PLEKHG4B: variants seen among roughly 807,000 people sequenced by gnomAD.
The protein encoded by PLEKHG4B is pleckstrin homology and RhoGEF domain containing G4B, also known as pleckstrin homology domain-containing family G member 4B.
PLEKHG4B carries 111 observed loss-of-function variants against 121.3 expected under a neutral mutation model. The ratio of observed to expected loss-of-function variants is 0.92; its 90% confidence interval spans 0.78 to 1.07. The LOEUF is 1.07. Among genes scored for constraint, PLEKHG4B ranks in the 50% least tolerant of loss-of-function variants. The pLI is 0.00. For synonymous variants in PLEKHG4B, 738 were observed against 725.0 expected, an observed-to-expected ratio of 1.02 and a Z score of -0.29; for missense variants, 1,831 against 1,757.8, an observed-to-expected ratio of 1.04 and a Z score of -0.74.
intron 2 of PLEKHG4B, among the ~76,000 whole-genome samples, chr5:135,682 A>AAAAAAAAATATACATATATAT (rs1553985215): frequency 5.1e-5 from 1 of 19,610 alleles, no homozygotes; most frequent in African/African-American, 1.5e-4. Context: ...AAAAAAAAAA[A>AAAAAAAAATATACATATATAT]ATATATATAT....
At chr5:155,868 T>C (rs1182917389) in intron 9 of PLEKHG4B, among the ~76,000 whole-genome samples, 1 of 152,018 alleles carries the variant, frequency 6.6e-6, no homozygotes, top group African/African-American at 2.4e-5. Flanking sequence ...TTGAGCCCCC[T>C]TCTTCTCCCT....
chr5:94,873 T>C (rs777621986), intron 1 of PLEKHG4B, among the ~76,000 whole-genome samples: 1 of 152,132 alleles, frequency 6.6e-6, no homozygotes, highest in South Asian at 2.1e-4. Context: ...GTTCATTGTT[T>C]ACAGGAATCA....
chr5:169,057 G>A (rs1736446863), intron 13 of PLEKHG4B: 4 of 400,470 alleles, frequency 1.0e-5, no homozygotes, highest in South Asian at 2.6e-5. Flanking sequence ...TGTATTTTGA[G>A]TAGAGACGAG....
rs1021837892 is a variant in PLEKHG4B at position 157,216 on chromosome 5, C to T, written c.2487+305C>T. On this transcript the variant is annotated intron_variant, in intron 11 of 19. Transcript: ENST00000637938. The surrounding 1 kb of genome is among the most constrained non-coding windows in gnomAD (Gnocchi z 4.6). Reference sequence around the variant, plus strand: ...AGTGTGAATAGCTGGGTGTATCTTCCGGACGCTTTCTCCATGTGCATGCGT... The same window carrying T: ...AGTGTGAATAGCTGGGTGTATCTTCTGGACGCTTTCTCCATGTGCATGCGT... 3.7e-5 allele frequency: 15 copies of T among 402,752 alleles called. No individual in the cohort carries two copies. The highest frequency in any genetic ancestry group is 5.7e-5 in the Non-Finnish European group (12 of 212,368). 24.9% of individuals were successfully genotyped at this position (402,752 alleles called of 1,614,324 possible).
intron 16 of PLEKHG4B, among the ~76,000 whole-genome samples, chr5:172,079 G>C (rs1736573867): frequency 6.6e-6 from 1 of 152,264 alleles, no homozygotes; most frequent in Admixed American, 6.5e-5. Context: ...CACCCCAATG[G>C]CAGAGCAGGG....
intron 1 of PLEKHG4B, among the ~76,000 whole-genome samples, chr5:98,603 TTGTGTGTGTGTGTGTGTGTGTGTGTG>T (rs35724214): frequency 1.8e-5 from 2 of 111,544 alleles, no homozygotes; most frequent in African/African-American, 3.9e-5. Flanking sequence ...CCTGGCTAAT[TTGTGTGTGTGTGTGTGTGTGTGTGTG>T]TGTGTGTGTG....
At chr5:171,663 G>T (rs1278249212) in intron 16 of PLEKHG4B, among the ~76,000 whole-genome samples, 1 of 152,202 alleles carries the variant, frequency 6.6e-6, no homozygotes, top group African/African-American at 2.4e-5. Flanking sequence ...CAGGCTCGAG[G>T]CCCCTGGAGC....
intron 2 of PLEKHG4B, among the ~76,000 whole-genome samples, chr5:120,971 G>A (rs2126368046): frequency 6.6e-6 from 1 of 152,328 alleles, no homozygotes; most frequent in East Asian, 1.9e-4. Flanking sequence ...AATGGGCCAG[G>A]TGTGGTGGCT....
chr5:135,827 T>G (rs1734969349), intron 2 of PLEKHG4B, among the ~76,000 whole-genome samples: 1 of 149,018 alleles, frequency 6.7e-6, no homozygotes, highest in East Asian at 2.0e-4. Context: ...ATCTTAAAAC[T>G]CAAGTGGAAT....
At chr5:143,969 G>C (rs1028839915) in intron 5 of PLEKHG4B, 1 of 171,114 alleles carries the variant, frequency 5.8e-6, no homozygotes, top group African/African-American at 2.4e-5. Context: ...TTTGAGACAG[G>C]GTCTTGCTCT....
rs150727202 is a variant in PLEKHG4B, at chr5:169,488, G to T, written c.3625G>T (p.Gly1209Cys). The stretch of plus-strand genomic sequence containing the variant: ...TCGAGGGAAGCACCACGTTATTTTC[G>T]GCAACTTGGAGAAGCTCCACGACTT... ...GLRGKHHVIF[G>C]NLEKLHDFHQ... Residue 1209 changes from glycine (G) to cysteine (C), a missense_variant, in exon 14 of 20, where the codon GGC (glycine) becomes TGC (cysteine). Physicochemically the swap from Gly to Cys is radical, Grantham distance 159. Transcript: ENST00000637938. 6.2e-7 allele frequency: 1 copy of T among 1,614,204 alleles called. No individual in the cohort carries two copies. Among genetic ancestry groups the T allele is most frequent in the Non-Finnish European group, 8.5e-7 (1 of 1,180,048 alleles).
Position 184,903 on chromosome 5 carries a change from GTATTAACGTATCTGCGGTT to G in PLEKHG4B, c.*2582_*2600del. The G allele has an allele frequency of 6.6e-6, 1 of 152,202 alleles. No individual in the cohort carries two copies. Among genetic ancestry groups the G allele is most frequent in the South Asian group, 2.1e-4 (1 of 4,830 alleles). The allele number at this position is 152,202 out of a possible 1,614,324, so 9.4% of individuals were successfully genotyped here. A position where few individuals can be genotyped will look rare whatever the true frequency, so the allele number is the denominator to read the frequency against. On this transcript the variant is annotated 3_prime_UTR_variant, in exon 20 of 20. Transcript: ENST00000637938. ...AAGTTAACTGACTGTTTAAACAAAA[GTATTAACGTATCTGCGGTT>G]TGTACTATACGCACAGGTAAACTGT...
intron 2 of PLEKHG4B, among the ~76,000 whole-genome samples, chr5:114,929 A>G (rs1440474172): frequency 6.6e-6 from 1 of 152,080 alleles, no homozygotes; most frequent in African/African-American, 2.4e-5. Flanking sequence ...GTTGGAATCA[A>G]CCTCTTCTAA....
At chr5:148,353 A>AT (rs1735496030) in intron 6 of PLEKHG4B, among the ~76,000 whole-genome samples, 2 of 151,234 alleles carry the variant, frequency 1.3e-5, no homozygotes, top group Non-Finnish European at 1.5e-5. Context: ...ACAAAAAAAA[A>AT]AAAATAAATA....
chr5:156,209 C>T lies in PLEKHG4B; in HGVS notation c.2347C>T (p.Arg783Trp), dbSNP rs542179090. 1.9e-5 allele frequency: 29 copies of T among 1,506,808 alleles called. No homozygotes were observed. Among genetic ancestry groups the T allele is most frequent in the African/African-American group, 1.6e-4 (11 of 67,170 alleles). The allele number at this position is 1,506,808 out of a possible 1,614,324, so 93.3% of individuals were successfully genotyped here. A position where few individuals can be genotyped will look rare whatever the true frequency, so the allele number is the denominator to read the frequency against. ...AGAAGAGCTTGGCACAGAAGACAGC[C>T]GGTGAGCGCTCACAGGGGTCATGCT... ...RREELGTEDS[R>W]DTLEAATSLY... Residue 783 changes from arginine to tryptophan, a missense_variant and splice_region_variant, in exon 10 of 20, where the codon CGG becomes TGG. Transcript: ENST00000637938. The surrounding 1 kb of genome is among the most constrained non-coding windows in gnomAD (Gnocchi z 4.4).
At position 140,599 on chromosome 5, in the gene PLEKHG4B, G is replaced by C. The variant is rs116313167; in HGVS notation, c.1360G>C (p.Ala454Pro). 1.5e-4 allele frequency: 245 copies of C among 1,610,464 alleles called. No homozygotes were observed. In the African/African-American group the frequency reaches 2.9e-3, roughly 19 times the overall value. The part of the protein sequence containing the change: ...PRSSRGAQAA[A>P]CHTSHHSAGS... Reference sequence around the variant, plus strand: ...AAGCTCCAGAGGGGCCCAGGCTGCAGCCTGCCACACCTCCCACCACTCAGC... The same window carrying C: ...AAGCTCCAGAGGGGCCCAGGCTGCACCCTGCCACACCTCCCACCACTCAGC... The change falls in exon 3 of 20, where the codon GCC becomes CCC. Residue 454 changes from alanine to proline, a missense_variant. Transcript: ENST00000637938.
intron 13 of PLEKHG4B, among the ~76,000 whole-genome samples, chr5:164,050 CGGATGCCGTCT>C (rs1736149197): frequency 6.6e-6 from 1 of 152,262 alleles, no homozygotes; most frequent in South Asian, 2.1e-4. Flanking sequence ...CTGCCTAGGC[CGGATGCCGTCT>C]GAACCTCCAT....
At chr5:170,874 CTGAT>C (rs1392284613) in intron 14 of PLEKHG4B, among the ~76,000 whole-genome samples, 165 bp from the exon 15 acceptor site, 1 of 152,150 alleles carries the variant, frequency 6.6e-6, no homozygotes, top group African/African-American at 2.4e-5. Context: ...TGGGGATACT[CTGAT>C]AGTCTTTAAT....
At chr5:169,317 C>G (rs547483207) in intron 13 of PLEKHG4B, 23 bp from the exon 14 acceptor site, 3 of 1,612,572 alleles carry the variant, frequency 1.9e-6, no homozygotes, top group African/African-American at 1.3e-5. Context: ...CCGTGTGCCC[C>G]CCGGGATCTC....
Sources: allele counts gnomAD v4.1 joint callset (sites outside exome capture counted in the v4.1 genomes callset), GRCh38; gene constraint gnomAD v4.1.1; non-coding constraint Gnocchi (gnomAD v3.1); transcripts MANE v1.5; gene names NCBI Gene and HGNC (gene_info 2026-07-23, HGNC 2026-07-21).